Variants in FGF12 observed in about 807,000 individuals in gnomAD.
FGF12 encodes the protein fibroblast growth factor 12.
A neutral mutation model predicts 23.6 loss-of-function variants in FGF12; 14 were observed. The observed-to-expected ratio is 0.59, with a 90% confidence interval of 0.39 to 0.93. The LOEUF is 0.93. Ranked by LOEUF, FGF12 falls within the 40% of genes least tolerant of loss-of-function variation. The pLI, the probability that FGF12 is intolerant of heterozygous loss-of-function variation, is 0.00. For synonymous variants in FGF12, 62 were observed against 77.3 expected (o/e 0.80, Z 1.04); for missense variants, 175 against 217.8 (o/e 0.80, Z 1.24).
intron 2 of FGF12, among the ~76,000 whole-genome samples, chr3:192,413,345 T>C (rs1371697019): frequency 2.0e-5 from 3 of 152,204 alleles, no homozygotes; most frequent in African/African-American, 7.2e-5. Flanking sequence ...TTATGAACTT[T>C]CTTGGCTCTT....
intron 2 of FGF12, among the ~76,000 whole-genome samples, chr3:192,522,211 A>C (rs1333582917): frequency 2.0e-4 from 28 of 139,170 alleles, no homozygotes; most frequent in African/African-American, 7.4e-4. Context: ...AAAAAAAAAA[A>C]CAAAAAAAAA....
At chr3:192,706,073 C>CATTCCTTCCAAAGGAATTTGGAA (rs1718459011) in intron 2 of FGF12, among the ~76,000 whole-genome samples, 1 of 152,136 alleles carries the variant, frequency 6.6e-6, no homozygotes, top group East Asian at 1.9e-4. Context: ...TAAATACACA[C>CATTCCTTCCAAAGGAATTTGGAA]ATTCCTTCCA....
intron 2 of FGF12, among the ~76,000 whole-genome samples, chr3:192,629,223 AGAG>A (rs1715296341): frequency 6.6e-6 from 1 of 152,238 alleles, no homozygotes; most frequent in African/African-American, 2.4e-5. Context: ...TGTGGGCCCT[AGAG>A]CATATCATGT....
rs987664183 is a variant in FGF12 at position 192,454,073 on chromosome 3, C to T, written c.14-93535G>A. Reference sequence around the variant, plus strand: ...TTGTTTTTTGAGATGGAGTCTAGCTCTGTCGCCCAGGCTGCAGTGCAGTGA... The same window carrying T: ...TTGTTTTTTGAGATGGAGTCTAGCTTTGTCGCCCAGGCTGCAGTGCAGTGA... On this transcript the variant is annotated intron_variant, in intron 2 of 5. Coordinates refer to ENST00000445105, the MANE Select transcript of FGF12 (RefSeq NM_004113.6). Among the ~76,000 whole-genome samples, 3 of 151,834 alleles carry T rather than the reference C, an allele frequency of 2.0e-5. No individual in the cohort carries two copies. The East Asian group carries it at 5.8e-4, about 29-fold the overall frequency.
intron 2 of FGF12, among the ~76,000 whole-genome samples, chr3:192,681,051 T>C (rs1717508449): frequency 6.6e-6 from 1 of 152,242 alleles, no homozygotes; most frequent in Non-Finnish European, 1.5e-5. Context: ...GGGAATATAC[T>C]TGTAAACATT....
chr3:192,725,668 C>T (rs555632496), intron 2 of FGF12, among the ~76,000 whole-genome samples: 2 of 152,230 alleles, frequency 1.3e-5, no homozygotes, highest in African/African-American at 4.8e-5. Context: ...TTACCAAGAA[C>T]CTTTGTCAAA....
chr3:192,337,208 T>C (rs143281444), intron 3 of FGF12, among the ~76,000 whole-genome samples: 2 of 152,156 alleles, frequency 1.3e-5, no homozygotes, highest in South Asian at 4.1e-4. Context: ...GCATTCTATA[T>C]ATATATTCCC....
intron 2 of FGF12, among the ~76,000 whole-genome samples, chr3:192,456,727 C>T (rs1317719569): frequency 2.0e-5 from 3 of 152,046 alleles, no homozygotes; most frequent in Admixed American, 6.5e-5. Context: ...TTACACCCTG[C>T]AGGGTTTAGC....
At chr3:192,480,214 G>GA (rs1024352830) in intron 2 of FGF12, among the ~76,000 whole-genome samples, 2 of 152,050 alleles carry the variant, frequency 1.3e-5, no homozygotes, top group Non-Finnish European at 2.9e-5. Context: ...GAATAAAGAG[G>GA]AAAAAACTTA....
intron 2 of FGF12, among the ~76,000 whole-genome samples, chr3:192,435,680 G>A (rs1271357316): frequency 1.3e-5 from 2 of 152,026 alleles, no homozygotes; most frequent in African/African-American, 4.8e-5. Context: ...TTTCTAAAAG[G>A]CAAGTTACTC....
rs1424030793 is a variant in FGF12 at position 192,307,452 on chromosome 3, C to T, written c.228+27909G>A. 2.0e-5 allele frequency among the ~76,000 whole-genome samples: 3 copies of T among 151,950 alleles called. No individual in the cohort carries two copies. The East Asian group carries it at 5.8e-4, about 29-fold the overall frequency. ...AAAGAAGCCACTGATGTAGTCTAGC[C>T]GACCTCTATGATCACTTTTATCAAC... On this transcript the variant is annotated intron_variant, in intron 4 of 5. Transcript: ENST00000445105.
intron 2 of FGF12, among the ~76,000 whole-genome samples, chr3:192,446,977 AAACTTTAGC>A (rs1486980341): frequency 3.9e-5 from 6 of 152,198 alleles, no homozygotes; most frequent in African/African-American, 1.4e-4. Flanking sequence ...TGCTTAAACA[AAACTTTAGC>A]AGCAATAATA....
intron 4 of FGF12, among the ~76,000 whole-genome samples, chr3:192,198,930 C>T (rs34281237): frequency 0.13 from 19,031 of 152,062 alleles, 1,524 homozygotes; most frequent in African/African-American, 0.23. Flanking sequence ...ACAGACTATC[C>T]CAAACTTATA....
chr3:192,696,985 T>C lies in FGF12; in HGVS notation c.13+30196A>G, dbSNP rs76548288. On this transcript the variant is annotated intron_variant, in intron 2 of 5. Coordinates refer to ENST00000445105, the MANE Select transcript of FGF12 (RefSeq NM_004113.6). ...GCTTTCTATTTAGTACAGCATTTCC[T>C]AGGATTGTTTGCCCCCCACACTACC... is the stretch of plus-strand genomic sequence containing the variant. Among the ~76,000 whole-genome samples the C allele has an allele frequency of 2.0e-3, 298 of 152,276 alleles. 3 individuals carry two copies. The highest frequency in any genetic ancestry group is 6.9e-3 in the African/African-American group (286 of 41,558).
At chr3:192,659,173 G>C (rs1438766919) in intron 2 of FGF12, among the ~76,000 whole-genome samples, 1 of 152,140 alleles carries the variant, frequency 6.6e-6, no homozygotes, top group African/African-American at 2.4e-5. Context: ...TAACTACTGA[G>C]GGTAAGTTTG....
chr3:192,621,424 G>A (rs1008605002), intron 2 of FGF12, among the ~76,000 whole-genome samples: 1 of 152,102 alleles, frequency 6.6e-6, no homozygotes, highest in African/African-American at 2.4e-5. Flanking sequence ...GGGCTTTGAA[G>A]CCCGACAAGA....
At chr3:192,427,318 T>C (rs1721719055) in intron 2 of FGF12, among the ~76,000 whole-genome samples, 1 of 151,312 alleles carries the variant, frequency 6.6e-6, no homozygotes, top group Admixed American at 6.6e-5. Context: ...GAGGCAGAGG[T>C]TGCAGTGAGC....
intron 2 of FGF12, among the ~76,000 whole-genome samples, chr3:192,435,819 A>G (rs1722006934): frequency 6.6e-6 from 1 of 152,238 alleles, no homozygotes; most frequent in African/African-American, 2.4e-5. Flanking sequence ...CCCAGTGCAG[A>G]GTAATTTTCA....
At chr3:192,543,091 A>C (rs138241579) in intron 2 of FGF12, among the ~76,000 whole-genome samples, 3 of 152,126 alleles carry the variant, frequency 2.0e-5, no homozygotes, top group African/African-American at 7.2e-5. Flanking sequence ...TTCCATTCAG[A>C]ATGGTGAGTT....
Sources: gnomAD v4.1 joint callset for allele counts (sites outside exome capture counted in the v4.1 genomes callset) on GRCh38, gnomAD v4.1.1 for gene constraint, MANE v1.5 for transcripts, NCBI Gene and HGNC (gene_info 2026-07-23, HGNC 2026-07-21) for gene names.